The following COL4A6 variants were observed in gnomAD, a reference collection of about 807,000 sequenced individuals.
The protein encoded by COL4A6 is collagen type IV alpha 6 chain.
Under a neutral mutation model 126.7 loss-of-function variants are expected in COL4A6, and 59 were observed. The ratio of observed to expected loss-of-function variants is 0.47; its 90% confidence interval spans 0.38 to 0.58. COL4A6 has a LOEUF of 0.58. COL4A6 is among the 20% of genes least tolerant of loss of function. COL4A6 has a pLI of 0.00. For missense variants in COL4A6, 1,285 were observed against 1,337.3 expected, an observed-to-expected ratio of 0.96 and a Z score of 0.61; for synonymous variants, 547 against 496.6, an observed-to-expected ratio of 1.10 and a Z score of -1.35.
At chrX:108,294,500 C>T (rs1603031323) in intron 3 of COL4A6, among the ~76,000 whole-genome samples, 1 of 104,616 alleles carries the variant, frequency 9.6e-6, no homozygotes, top group African/African-American at 3.5e-5. Flanking sequence ...CCTTAAGGAA[C>T]AAAGGAGAAA....
intron 13 of COL4A6, among the ~76,000 whole-genome samples, chrX:108,198,735 T>C (rs2035297459): frequency 9.0e-6 from 1 of 111,327 alleles, no homozygotes; most frequent in South Asian, 3.9e-4. Flanking sequence ...AGGCCTGCTC[T>C]CCTGGGCTCT....
chrX:108,297,554 A>G (rs1250003083), intron 3 of COL4A6, among the ~76,000 whole-genome samples: 1 of 110,941 alleles, frequency 9.0e-6, no homozygotes, highest in Non-Finnish European at 1.9e-5. Context: ...CCTGGGGGGC[A>G]ATATGGTTGA....
intron 3 of COL4A6, among the ~76,000 whole-genome samples, chrX:108,282,460 C>T (rs959975246): frequency 1.1e-4 from 12 of 111,124 alleles, no homozygotes; most frequent in African/African-American, 3.9e-4. Context: ...CCATCTCACA[C>T]CAGTTAGAAT....
intron 2 of COL4A6, among the ~76,000 whole-genome samples, chrX:108,363,451 G>A (rs1489403988): frequency 8.9e-6 from 1 of 111,799 alleles, no homozygotes; most frequent in East Asian, 2.8e-4. Flanking sequence ...TAGGAAAGCA[G>A]GTTATAAAAA....
chrX:108,411,434 G>A (rs1225381259), intron 2 of COL4A6, among the ~76,000 whole-genome samples: 2 of 111,860 alleles, frequency 1.8e-5, no homozygotes, highest in African/African-American at 6.5e-5. Context: ...TGTGGGGCCT[G>A]TGTACATATA....
At chrX:108,285,488 C>G (rs758152855) in intron 3 of COL4A6, among the ~76,000 whole-genome samples, 5 of 111,325 alleles carry the variant, frequency 4.5e-5, no homozygotes, top group Non-Finnish European at 9.4e-5. Flanking sequence ...AATGTCTGAG[C>G]GGAGGGTTGT....
intron 3 of COL4A6, among the ~76,000 whole-genome samples, chrX:108,264,845 T>A (rs2037257091): frequency 9.0e-6 from 1 of 111,191 alleles, no homozygotes; most frequent in Non-Finnish European, 1.9e-5. Context: ...TCCTGAAGTC[T>A]GCAAATGAGG....
upstream of COL4A6, among the ~76,000 whole-genome samples, chrX:108,439,075 C>A (rs1045739978): frequency 2.7e-5 from 3 of 112,014 alleles, no homozygotes; most frequent in African/African-American, 3.2e-5. Flanking sequence ...TTAAATATTT[C>A]CAATTAAGTG....
intron 3 of COL4A6, chrX:108,267,683 A>G (rs971039810): frequency 6.0e-5 from 1 of 16,698 alleles, no homozygotes; most frequent in Non-Finnish European, 5.8e-3. Context: ...AAAACACACA[A>G]AGGTACATTC....
At chrX:108,157,436 G>A (rs2033777651) in intron 44 of COL4A6, among the ~76,000 whole-genome samples, 176 bp from the exon 45 acceptor site, 1 of 111,454 alleles carries the variant, frequency 9.0e-6, no homozygotes, top group East Asian at 2.8e-4. Context: ...GGCAGGGGCT[G>A]CTTGTCCTCC....
At chrX:108,167,720 G>A (rs1018512965) in intron 37 of COL4A6, among the ~76,000 whole-genome samples, 1 of 111,093 alleles carries the variant, frequency 9.0e-6, no homozygotes, top group African/African-American at 3.3e-5. Context: ...GTGGGGGTGG[G>A]GTGGGGCGTG....
chrX:108,309,328 T>C (rs1394343619), intron 3 of COL4A6, among the ~76,000 whole-genome samples: 1 of 110,908 alleles, frequency 9.0e-6, no homozygotes, highest in Non-Finnish European at 1.9e-5. Flanking sequence ...CGTAAATAGA[T>C]GAGAAATCAA....
At chrX:108,286,966 C>A (rs2038023285) in intron 3 of COL4A6, among the ~76,000 whole-genome samples, 1 of 111,393 alleles carries the variant, frequency 9.0e-6, no homozygotes, top group South Asian at 3.8e-4. Context: ...CAAGCTAGAG[C>A]AGCCATTTTG....
At chrX:108,273,509 C>G (rs908740614) in intron 3 of COL4A6, among the ~76,000 whole-genome samples, 2 of 111,961 alleles carry the variant, frequency 1.8e-5, no homozygotes, top group African/African-American at 6.5e-5. Flanking sequence ...ATAAATCATG[C>G]TACTATAAAG....
In COL4A6 at chrX:108,224,046, G is replaced by C. The variant is rs2036093487; in HGVS notation, c.145-2672C>G. Among the ~76,000 whole-genome samples the C allele has an allele frequency of 2.7e-5, 3 of 112,182 alleles. No homozygotes were observed. The South Asian group carries it at 1.1e-3, about 42-fold the overall frequency. ...CAGTCCCATCCTGCTCACACCATTA[G>C]AGAGAAGAGTCCCAGCAGCACCCAG... is the stretch of plus-strand genomic sequence containing the variant. On this transcript the variant is annotated intron_variant, in intron 3 of 44. Transcript: ENST00000334504.
intron 2 of COL4A6, among the ~76,000 whole-genome samples, chrX:108,425,202 TGA>T (rs1293843802): frequency 7.2e-5 from 6 of 83,560 alleles, no homozygotes; most frequent in South Asian, 7.0e-4. Context: ...TGTGTGTGTG[TGA>T]GAGAGAGAGA....
chrX:108,227,111 G>T (rs937779309), intron 3 of COL4A6, among the ~76,000 whole-genome samples: 4 of 111,828 alleles, frequency 3.6e-5, no homozygotes, highest in African/African-American at 1.3e-4. Context: ...GGGCTAGGTT[G>T]CCTGTTTATG....
chrX:108,210,784 C>T (rs2035680168), intron 7 of COL4A6, among the ~76,000 whole-genome samples: 1 of 111,652 alleles, frequency 9.0e-6, no homozygotes, highest in South Asian at 3.8e-4. Context: ...GTCCAAGAAT[C>T]ATGAGGTCCT....
intron 3 of COL4A6, among the ~76,000 whole-genome samples, chrX:108,304,507 T>C (rs1164170624): frequency 9.0e-6 from 1 of 111,500 alleles, no homozygotes; most frequent in Non-Finnish European, 1.9e-5. Flanking sequence ...CCATCAACTT[T>C]GCAAAAGGTT....
Sources: gnomAD v4.1 joint callset for allele counts (sites outside exome capture counted in the v4.1 genomes callset) on GRCh38, gnomAD v4.1.1 for gene constraint, MANE v1.5 for transcripts, NCBI Gene and HGNC (gene_info 2026-07-23, HGNC 2026-07-21) for gene names.